DFFA: variants seen among roughly 807,000 people sequenced by gnomAD.
DFFA encodes the protein DFF45.
DFFA carries 14 observed loss-of-function variants against 28.0 expected under a neutral mutation model. The observed-to-expected ratio is 0.50, with a 90% CI of 0.33 to 0.78. The LOEUF (loss-of-function observed/expected upper bound fraction) is 0.78. DFFA is among the 30% of genes least tolerant of loss of function. The pLI, the probability that DFFA is intolerant of heterozygous loss-of-function variation, is 0.02. For synonymous variants in DFFA, 158 were observed against 170.3 expected (o/e 0.93, Z 0.56); for missense variants, 395 against 407.1 (o/e 0.97, Z 0.26).
chr1:10,462,195 C>T (rs571887926), intron 5 of DFFA, among the ~76,000 whole-genome samples: 16 of 152,258 alleles, frequency 1.1e-4, no homozygotes, highest in Admixed American at 9.2e-4. Context: ...TCACTCTTGT[C>T]GCCCAGGCTG....
At chr1:10,470,525 C>T (rs1641082663) in intron 1 of DFFA, among the ~76,000 whole-genome samples, 1 of 150,434 alleles carries the variant, frequency 6.6e-6, no homozygotes, top group Non-Finnish European at 1.5e-5. Flanking sequence ...CCCGGGTTCA[C>T]GCCATTCTCC....
chr1:10,462,657 G>A, intron 5 of DFFA: 1 of 1,023,216 alleles, frequency 9.8e-7, no homozygotes, highest in Non-Finnish European at 1.2e-6. Flanking sequence ...TAGCTCCCTG[G>A]TCTTAGCCAG....
intron 3 of DFFA, among the ~76,000 whole-genome samples, chr1:10,464,922 G>A (rs907631795): frequency 6.6e-6 from 1 of 152,110 alleles, no homozygotes; most frequent in Non-Finnish European, 1.5e-5. Flanking sequence ...CACACCCAGT[G>A]CATAGAACCA....
chr1:10,463,739 A>T (rs1053332245), intron 3 of DFFA, 119 bp from the exon 4 acceptor site: 6 of 1,008,132 alleles, frequency 6.0e-6, no homozygotes, highest in Middle Eastern at 3.2e-4. Flanking sequence ...ATCTCGGCTC[A>T]CTGCAACCTC....
rs745904147 is a variant in DFFA, at chr1:10,461,631, A to C, written c.855T>G (p.Val285=). 2.2e-5 allele frequency: 36 copies of C among 1,614,118 alleles called. No individual in the cohort carries two copies. The highest frequency in any genetic ancestry group is 2.7e-5 in the African/African-American group (2 of 74,936). The change falls in exon 6 of 6, where the codon GTT becomes GTG. Residue 285 remains valine (V), a synonymous_variant. Coordinates refer to ENST00000377038, the MANE Select transcript of DFFA (RefSeq NM_004401.3). ...CGAGCTCCCGCTCACAGGCCTCCTG[A>C]ACAGTCTCCGTCTTCTTTATGTCCC... The part of the protein sequence containing the change: ...LNWDIKKTET[V]QEACERELAL...
Position 10,461,612 on chromosome 1 carries a change from C to T in DFFA, c.874G>A (p.Glu292Lys), listed in dbSNP as rs747181944. Residue 292 changes from glutamate (E) to lysine (K), a missense_variant, in exon 6 of 6, where the codon GAG (glutamate) becomes AAG (lysine). By Grantham distance (56) the Glu-to-Lys change is moderately conservative. Transcript: ENST00000377038. ...GTCTGCTGCAGGCGCAGGGCGAGCT[C>T]CCGCTCACAGGCCTCCTGAACAGTC... ...TETVQEACER[E>K]LALRLQQTQS... 1.9e-6 allele frequency: 3 copies of T among 1,614,228 alleles called. No individual in the cohort carries two copies. The highest frequency in any genetic ancestry group is 1.1e-5 in the South Asian group (1 of 91,088).
At chr1:10,471,845 C>T (rs1334993402) in intron 1 of DFFA, among the ~76,000 whole-genome samples, 1 of 152,188 alleles carries the variant, frequency 6.6e-6, no homozygotes, top group Admixed American at 6.5e-5. Flanking sequence ...CTTCCGTCGG[C>T]TCCGTCACTT....
At chr1:10,467,428 A>G in intron 2 of DFFA, 96 bp from the exon 3 acceptor site, 1 of 1,338,272 alleles carries the variant, frequency 7.5e-7, no homozygotes, top group South Asian at 1.2e-5. Context: ...GATCTAGATT[A>G]ATTTCAATGG....
intron 3 of DFFA, among the ~76,000 whole-genome samples, 159 bp from the exon 4 acceptor site, chr1:10,463,779 C>G (rs1443808304): frequency 6.6e-6 from 1 of 151,780 alleles, no homozygotes; most frequent in African/African-American, 2.4e-5. Context: ...ATTTTCCTGC[C>G]TCAGCCTCCC....
rs1024377705 is a variant in DFFA, at chr1:10,461,308, G to A, written c.*182C>T. 5.3e-6 allele frequency: 5 copies of A among 945,950 alleles called. No individual in the cohort carries two copies. Among genetic ancestry groups the A allele is most frequent in the African/African-American group, 5.0e-5 (3 of 60,326 alleles). The allele number at this position is 945,950 out of a possible 1,614,324, so 58.6% of individuals were successfully genotyped here. A position where few individuals can be genotyped will look rare whatever the true frequency, so the allele number is the denominator to read the frequency against. On this transcript the variant is annotated 3_prime_UTR_variant, in exon 6 of 6. Transcript: ENST00000377038. ...ATCATTCAAAATTGGCAGAAGTCCT[G>A]AAGCTGGTGGGGCTAAAAAAAAAAT...
In DFFA at chr1:10,461,504, G is replaced by C. The variant is rs760010253; in HGVS notation, c.982C>G (p.Gln328Glu). 6.2e-7 allele frequency: 1 copy of C among 1,614,002 alleles called. No individual in the cohort carries two copies. The highest frequency in any genetic ancestry group is 1.1e-5 in the South Asian group (1 of 91,050). Residue 328 changes from glutamine to glutamate, a missense_variant, in exon 6 of 6, where the codon CAG becomes GAG. Physicochemically the swap from Gln to Glu is conservative, Grantham distance 29 (BLOSUM62 2). Transcript: ENST00000377038. ...TCCCGCTGCTGCTATGTGGGATCCT[G>C]TCTGGCTCGCTTAGGATTCTGCAGG... The part of the protein sequence containing the change: ...GDLQNPKRAR[Q>E]DPT
chr1:10,470,275 G>T (rs1570111243), intron 1 of DFFA, among the ~76,000 whole-genome samples: 1 of 152,194 alleles, frequency 6.6e-6, no homozygotes, highest in East Asian at 1.9e-4. Flanking sequence ...AACCCACAAA[G>T]TCTGGCTCCT....
intron 3 of DFFA, among the ~76,000 whole-genome samples, chr1:10,464,218 G>A (rs1300721521): frequency 6.6e-6 from 1 of 151,692 alleles, no homozygotes; most frequent in Non-Finnish European, 1.5e-5. Context: ...TCAGCCTCCT[G>A]AGCAGCTGGT....
chr1:10,469,740 C>G (rs1403446279), intron 1 of DFFA, among the ~76,000 whole-genome samples: 1 of 151,900 alleles, frequency 6.6e-6, no homozygotes. Context: ...AGGCTGGTCT[C>G]GAACTCCTGA....
chr1:10,466,836 C>A (rs1324772262), intron 3 of DFFA, among the ~76,000 whole-genome samples: 2 of 151,332 alleles, frequency 1.3e-5, no homozygotes, highest in East Asian at 3.9e-4. Context: ...ACCTGTAATT[C>A]CAGCTACCTG....
intron 3 of DFFA, among the ~76,000 whole-genome samples, chr1:10,466,952 C>CAAAAAAAAAAAAAAAAAAAAAAA (rs34597195): frequency 3.1e-5 from 1 of 32,724 alleles, no homozygotes; most frequent in African/African-American, 8.0e-5. Flanking sequence ...GACTGTGTCT[C>CAAAAAAAAAAAAAAAAAAAAAAA]AAAAAAAAAA....
At chr1:10,465,146 G>A (rs1352256807) in intron 3 of DFFA, among the ~76,000 whole-genome samples, 1 of 152,168 alleles carries the variant, frequency 6.6e-6, no homozygotes, top group African/African-American at 2.4e-5. Context: ...CCAGGTTGGA[G>A]TGCAATGACG....
chr1:10,466,945 T>C (rs1159686980), intron 3 of DFFA, among the ~76,000 whole-genome samples: 1 of 105,576 alleles, frequency 9.5e-6, no homozygotes, highest in South Asian at 2.7e-4. Context: ...AGAGTAAGAC[T>C]GTGTCTCAAA....
chr1:10,462,352 G>A (rs1402355562), intron 5 of DFFA: 15 of 847,556 alleles, frequency 1.8e-5, no homozygotes, highest in South Asian at 5.4e-5. Flanking sequence ...GGCTGGTCTC[G>A]AACTCCTGAC....
Sources: allele counts gnomAD v4.1 joint callset (sites outside exome capture counted in the v4.1 genomes callset), GRCh38; gene constraint gnomAD v4.1.1; transcripts MANE v1.5; gene names NCBI Gene and HGNC (gene_info 2026-07-23, HGNC 2026-07-21).